SEM1: variants seen among roughly 807,000 people sequenced by gnomAD.
SEM1 encodes SEM1 26S proteasome subunit, also known as 26S proteasome complex subunit SEM1.
A neutral mutation model predicts 12.7 loss-of-function variants in SEM1; 3 were observed. The observed-to-expected ratio is 0.24, with a 90% CI of 0.11 to 0.61. The LOEUF (loss-of-function observed/expected upper bound fraction) is 0.61. Among genes scored for constraint, SEM1 ranks in the 20% least tolerant of loss-of-function variants. The pLI is 0.88. For missense variants in SEM1, 59 were observed against 81.3 expected, an observed-to-expected ratio of 0.73 and a Z score of 1.06; for synonymous variants, 30 against 27.8, an observed-to-expected ratio of 1.08 and a Z score of -0.25.
chr7:96,484,077 T>C, intron 3 of SEM1: 1 of 1,209,326 alleles, frequency 8.3e-7, no homozygotes, highest in Middle Eastern at 2.2e-4. Context: ...ACAACAACCC[T>C]ATAGGGTAGA....
chr7:96,596,500 C>T (rs1307302829), intron 2 of SEM1, among the ~76,000 whole-genome samples: 1 of 152,102 alleles, frequency 6.6e-6, no homozygotes, highest in Non-Finnish European at 1.5e-5. Flanking sequence ...TTCAGGAGGC[C>T]GTGTGCATCT....
At chr7:96,690,216 C>G (rs1215287722) in intron 2 of SEM1, among the ~76,000 whole-genome samples, 1 of 152,074 alleles carries the variant, frequency 6.6e-6, no homozygotes, top group African/African-American at 2.4e-5. Flanking sequence ...TAGTTTTCTA[C>G]TCTGTAGAAT....
At chr7:96,560,057 A>G (rs1230380020) in intron 2 of SEM1, among the ~76,000 whole-genome samples, 1 of 152,260 alleles carries the variant, frequency 6.6e-6, no homozygotes, top group East Asian at 1.9e-4. Flanking sequence ...AATCTAGCTT[A>G]TTCTGAATAA....
intron 2 of SEM1, among the ~76,000 whole-genome samples, chr7:96,624,776 T>C (rs1293000744): frequency 6.6e-6 from 1 of 152,098 alleles, no homozygotes; most frequent in Non-Finnish European, 1.5e-5. Context: ...GGAAGGGATA[T>C]AAGGTGTAAG....
intron 2 of SEM1, among the ~76,000 whole-genome samples, chr7:96,662,945 G>A (rs370227683): frequency 1.3e-4 from 20 of 152,302 alleles, no homozygotes; most frequent in African/African-American, 4.1e-4. Flanking sequence ...TTTCCCAGCT[G>A]CATTAAAACA....
intron 2 of SEM1, among the ~76,000 whole-genome samples, chr7:96,659,686 A>G (rs796250314): frequency 2.6e-5 from 4 of 152,250 alleles, no homozygotes; most frequent in African/African-American, 9.6e-5. Flanking sequence ...GGGTCTGTGT[A>G]TTTTCCCAGT....
At chr7:96,650,562 CACAGATTTGTAAATAACA>C (rs1808943617) in intron 2 of SEM1, 1 of 729,244 alleles carries the variant, frequency 1.4e-6, no homozygotes, top group African/African-American at 1.7e-5. Context: ...TCTGAAGAAA[CACAGATTTGTAAATAACA>C]ACAACAACAC....
At chr7:96,622,335 A>G, downstream of SEM1, 1 of 443,842 alleles carries the variant, frequency 2.3e-6, no homozygotes, top group South Asian at 4.8e-5. Context: ...TAAATCAAAT[A>G]AAAGACAGGA....
At chr7:96,530,563 T>G (rs1203538334) in intron 2 of SEM1, among the ~76,000 whole-genome samples, 1 of 152,110 alleles carries the variant, frequency 6.6e-6, no homozygotes, top group African/African-American at 2.4e-5. Context: ...GAAGTCATAG[T>G]AAACGTCCCT....
Position 96,516,902 on chromosome 7 carries a change from C to T in SEM1, c.171-10204G>A, listed in dbSNP as rs184404967. ...AATATTATTCAGTATTAAAAAGAAA[C>T]GAGCTACCCAGCCATGAAAAGATGT... On this transcript the variant is annotated intron_variant and NMD_transcript_variant, in intron 2 of 3. Transcript: ENST00000466986. 5.6e-4 allele frequency among the ~76,000 whole-genome samples: 85 copies of T among 152,150 alleles called. 1 individual carries two copies. The highest frequency in any genetic ancestry group is 4.8e-3 in the Admixed American group (73 of 15,276).
At chr7:96,496,278 TC>T (rs1250804505) in intron 1 of SEM1, 1 of 1,510,968 alleles carries the variant, frequency 6.6e-7, no homozygotes, top group Admixed American at 2.0e-5. Context: ...CCATATCAGT[TC>T]CTACCTGGCA....
intron 3 of SEM1, among the ~76,000 whole-genome samples, chr7:96,505,602 A>G (rs1284560031): frequency 6.6e-6 from 1 of 152,166 alleles, no homozygotes; most frequent in African/African-American, 2.4e-5. Context: ...ATAACAAAAT[A>G]CCATATACTG....
Position 96,551,285 on chromosome 7 carries a change from C to T in SEM1, c.171-44587G>A, listed in dbSNP as rs116647363. Among the ~76,000 whole-genome samples, 301 of 152,172 alleles carry T rather than the reference C, an allele frequency of 2.0e-3. 1 individual carries two copies. The highest frequency in any genetic ancestry group is 6.8e-3 in the African/African-American group (283 of 41,510). On this transcript the variant is annotated intron_variant and NMD_transcript_variant, in intron 2 of 3. Coordinates refer to the SEM1 transcript ENST00000466986. ...CCCATTCCCCTAAAGATATGTTCAC[C>T]CGAGACCTTGAATGTGACCTTATTT...
downstream of SEM1, among the ~76,000 whole-genome samples, chr7:96,684,428 G>C (rs1004486730): frequency 6.6e-6 from 1 of 151,942 alleles, no homozygotes; most frequent in African/African-American, 2.4e-5. Flanking sequence ...GTGAAAGAAG[G>C]CTTGGCCCAT....
intron 2 of SEM1, among the ~76,000 whole-genome samples, chr7:96,574,576 T>G (rs897353662): frequency 2.6e-5 from 4 of 152,206 alleles, no homozygotes; most frequent in African/African-American, 9.6e-5. Flanking sequence ...TTCCTATTTC[T>G]CCACATCCTC....
intron 2 of SEM1, among the ~76,000 whole-genome samples, chr7:96,522,727 C>G (rs1178387128): frequency 4.0e-5 from 5 of 124,660 alleles, no homozygotes; most frequent in Admixed American, 8.3e-5. Flanking sequence ...AAAATACCCC[C>G]CCCCCAAAAA....
At chr7:96,496,408 T>C, upstream of SEM1, 1 of 718,674 alleles carries the variant, frequency 1.4e-6, no homozygotes, top group Non-Finnish European at 2.3e-6. Context: ...TCACAAATGC[T>C]GAAAAATAAT....
intron 2 of SEM1, among the ~76,000 whole-genome samples, chr7:96,580,538 A>T (rs1312026695): frequency 3.9e-4 from 59 of 151,908 alleles, no homozygotes; most frequent in African/African-American, 1.3e-3. Context: ...CCCTGAGGAA[A>T]TGCCACACTG....
At chr7:96,542,423 G>A (rs1804985347) in intron 2 of SEM1, among the ~76,000 whole-genome samples, 1 of 151,758 alleles carries the variant, frequency 6.6e-6, no homozygotes, top group Non-Finnish European at 1.5e-5. Flanking sequence ...GTATAGAAAT[G>A]CTGCTGGCTT....
Sources: gnomAD v4.1 joint callset for allele counts (sites outside exome capture counted in the v4.1 genomes callset) on GRCh38, gnomAD v4.1.1 for gene constraint, MANE v1.5 for transcripts, NCBI Gene and HGNC (gene_info 2026-07-23, HGNC 2026-07-21) for gene names.